The following MAPK10 variants were observed in gnomAD, a reference collection of about 807,000 sequenced individuals.
The protein encoded by MAPK10 is mitogen-activated protein kinase 10, also known as JNK3 alpha protein kinase.
MAPK10 carries 25 observed loss-of-function variants against 59.3 expected under a neutral mutation model. The ratio of observed to expected loss-of-function variants is 0.42; its 90% confidence interval spans 0.31 to 0.59. The LOEUF (loss-of-function observed/expected upper bound fraction) is 0.59, where lower values mean the gene tolerates loss of function less well. Among genes scored for constraint, MAPK10 ranks in the 20% least tolerant of loss-of-function variants. The pLI, the probability that MAPK10 is intolerant of heterozygous loss-of-function variation, is 0.15. For synonymous variants in MAPK10, 190 were observed against 200.5 expected (o/e 0.95, Z 0.44); for missense variants, 351 against 568.9 (o/e 0.62, Z 3.90).
At chr4:86,216,339 A>G (rs7661197) in intron 2 of MAPK10, among the ~76,000 whole-genome samples, 12,474 of 148,508 alleles carry the variant, frequency 0.084, 1,174 homozygotes, top group African/African-American at 0.23. Flanking sequence ...TACACACAAT[A>G]GAAAAGTATT....
chr4:86,400,473 T>C (rs191223004), intron 1 of MAPK10, among the ~76,000 whole-genome samples: 16 of 152,076 alleles, frequency 1.1e-4, no homozygotes, highest in African/African-American at 3.9e-4. Context: ...CTCCACGTAA[T>C]GGGGAGTTTT....
chr4:86,267,336 G>A (rs2094284727), intron 2 of MAPK10, among the ~76,000 whole-genome samples: 2 of 152,048 alleles, frequency 1.3e-5, no homozygotes, highest in Admixed American at 1.3e-4. Context: ...ATTTATCCTT[G>A]TCCTCCTAAG....
chr4:86,454,221 C>T (rs1485905971), upstream of MAPK10, among the ~76,000 whole-genome samples: 1 of 152,120 alleles, frequency 6.6e-6, no homozygotes, highest in East Asian at 1.9e-4. Flanking sequence ...AACATCCCCC[C>T]AAAATCACAC....
chr4:86,482,933 A>G (rs752097906), intron 1 of MAPK10, among the ~76,000 whole-genome samples: 2 of 152,206 alleles, frequency 1.3e-5, no homozygotes. Context: ...TAGGCATACA[A>G]CATTTAGCTT....
chr4:86,102,713 G>T (rs1455249049), intron 6 of MAPK10, among the ~76,000 whole-genome samples: 1 of 152,076 alleles, frequency 6.6e-6, no homozygotes, highest in Admixed American at 6.6e-5. Context: ...TAGAGGTGGG[G>T]TTTCACCATG....
chr4:86,204,979 CA>C (rs1049630365), intron 2 of MAPK10, among the ~76,000 whole-genome samples: 9 of 152,006 alleles, frequency 5.9e-5, no homozygotes, highest in Non-Finnish European at 1.3e-4. Context: ...TCAACACAAA[CA>C]ATTCTACAAT....
At chr4:86,328,840 G>A (rs1163264036) in intron 2 of MAPK10, among the ~76,000 whole-genome samples, 6 of 151,984 alleles carry the variant, frequency 3.9e-5, no homozygotes, top group East Asian at 1.9e-4. Flanking sequence ...ATCACACACC[G>A]GGGCCTGTCA....
intron 2 of MAPK10, among the ~76,000 whole-genome samples, chr4:86,341,959 C>T (rs35443953): frequency 0.73 from 110,746 of 151,580 alleles, 41,020 homozygotes; most frequent in South Asian, 0.9. Context: ...TAAGAGGTTA[C>T]GTGACCTAAC....
chr4:86,021,497 A>G (rs1047941561), intron 13 of MAPK10, among the ~76,000 whole-genome samples: 3 of 152,264 alleles, frequency 2.0e-5, no homozygotes, highest in African/African-American at 7.2e-5. Flanking sequence ...AGCTAGACAT[A>G]AAGACTCTCC....
At chr4:86,489,152 C>T (rs1382780531) in intron 1 of MAPK10, among the ~76,000 whole-genome samples, 3 of 152,180 alleles carry the variant, frequency 2.0e-5, no homozygotes, top group Non-Finnish European at 4.4e-5. Flanking sequence ...CCAGAAGCAG[C>T]AGATGACTAC....
chr4:86,346,879 ATT>A (rs1158849060), intron 2 of MAPK10, among the ~76,000 whole-genome samples: 1 of 152,116 alleles, frequency 6.6e-6, no homozygotes, highest in Non-Finnish European at 1.5e-5. Context: ...TGAGTACAAT[ATT>A]ATATATGTAC....
chr4:86,409,092 A>G (rs1744784949), intron 1 of MAPK10, among the ~76,000 whole-genome samples: 1 of 152,098 alleles, frequency 6.6e-6, no homozygotes, highest in Admixed American at 6.5e-5. Context: ...GGTGTAAGGA[A>G]GGGATCCAGT....
chr4:86,318,404 G>C (rs2095830079), intron 2 of MAPK10, among the ~76,000 whole-genome samples: 1 of 152,076 alleles, frequency 6.6e-6, no homozygotes, highest in Admixed American at 6.6e-5. Flanking sequence ...TTGAACTAGA[G>C]AAAGTTTCAA....
At chr4:86,344,315 T>C (rs991106685) in intron 2 of MAPK10, among the ~76,000 whole-genome samples, 1 of 152,156 alleles carries the variant, frequency 6.6e-6, no homozygotes, top group Non-Finnish European at 1.5e-5. Context: ...AGTCAGTGTC[T>C]TGCTATATTG....
chr4:86,508,897 A>G (rs1190954094), intron 1 of MAPK10, among the ~76,000 whole-genome samples: 1 of 152,218 alleles, frequency 6.6e-6, no homozygotes, highest in Non-Finnish European at 1.5e-5. Flanking sequence ...CCAGCTGGCT[A>G]CATGGCTTTT....
intron 12 of MAPK10, 28 bp downstream of exon 12, chr4:86,031,340 A>C (rs367778003): frequency 8.0e-6 from 12 of 1,499,836 alleles, no homozygotes; most frequent in Non-Finnish European, 1.1e-5. Flanking sequence ...TAAAATAAAA[A>C]GTATACTTTT....
intron 11 of MAPK10, among the ~76,000 whole-genome samples, chr4:86,056,810 G>T (rs1468224284): frequency 1.3e-5 from 2 of 149,266 alleles, no homozygotes; most frequent in Admixed American, 1.3e-4. Flanking sequence ...TAAATAGAAA[G>T]ATTTAATTTA....
chr4:86,037,060 G>A (rs73833997), intron 11 of MAPK10, among the ~76,000 whole-genome samples: 1 of 152,112 alleles, frequency 6.6e-6, no homozygotes, highest in African/African-American at 2.4e-5. Context: ...GTAAAATTCA[G>A]CTATAAAATA....
chr4:86,450,563 T>C (rs1750582492), intron 1 of MAPK10, among the ~76,000 whole-genome samples: 1 of 152,236 alleles, frequency 6.6e-6, no homozygotes, highest in African/African-American at 2.4e-5. Context: ...TCTCTGCCTC[T>C]GCCTCGTCAG....
Sources: gnomAD v4.1 joint callset for allele counts (sites outside exome capture counted in the v4.1 genomes callset) on GRCh38, gnomAD v4.1.1 for gene constraint, MANE v1.5 for transcripts, NCBI Gene and HGNC (gene_info 2026-07-23, HGNC 2026-07-21) for gene names.